THSD7A: variants seen among roughly 807,000 people sequenced by gnomAD.
THSD7A encodes the protein thrombospondin type-1 domain-containing protein 7A.
Under a neutral mutation model 231.3 loss-of-function variants are expected in THSD7A, and 96 were observed. That is an observed-to-expected ratio of 0.41 (90% confidence interval 0.35 to 0.49). The LOEUF is 0.49. THSD7A is among the 20% of genes least tolerant of loss of function. THSD7A has a pLI of 0.05. For missense variants in THSD7A, 2,290 were observed against 2,070.2 expected (o/e 1.11, Z -2.06); for synonymous variants, 940 against 743.3 (o/e 1.26, Z -4.30).
At chr7:11,770,993 TAGA>T (rs1562542859) in intron 1 of THSD7A, among the ~76,000 whole-genome samples, 1 of 151,344 alleles carries the variant, frequency 6.6e-6, no homozygotes, top group Non-Finnish European at 1.5e-5. Context: ...TTTTGATACA[TAGA>T]AGACTAGAAA....
intron 6 of THSD7A, among the ~76,000 whole-genome samples, chr7:11,485,039 C>T (rs1173384222): frequency 6.6e-6 from 1 of 151,346 alleles, no homozygotes; most frequent in African/African-American, 2.4e-5. Context: ...TACAGGCATG[C>T]ACCACCATGC....
At chr7:11,539,769 C>T (rs111827290) in intron 6 of THSD7A, among the ~76,000 whole-genome samples, 3,374 of 152,262 alleles carry the variant, frequency 0.022, 111 homozygotes, top group African/African-American at 0.077. Context: ...TGGACTAAAT[C>T]TGATTTTTTC....
rs1213861708 is a variant in THSD7A, at chr7:11,446,130, G to A, written c.2995C>T (p.Arg999Cys). Residue 999 changes from arginine to cysteine, a missense_variant, in exon 13 of 28, where the codon CGT becomes TGT. By Grantham distance (180) the Arg-to-Cys change is radical (BLOSUM62 -3). Transcript: ENST00000423059. This position sits in a 1 kb window ranked among gnomAD's most constrained non-coding sequence, Gnocchi z 4.0. ...GDIKECGQGYRYQAMACYDQN... is the reference protein window; with the variant it reads ...GDIKECGQGYCYQAMACYDQN... ...TCGTAGCATGCCATTGCTTGGTAAC[G>A]ATATCCTTGTCCGCATTCCTTGATG... The A allele has an allele frequency of 3.7e-6, 6 of 1,613,422 alleles. No homozygotes were observed. The highest frequency in any genetic ancestry group is 4.5e-5 in the East Asian group (2 of 44,854).
At chr7:11,601,410 T>A (rs1425609151) in intron 2 of THSD7A, among the ~76,000 whole-genome samples, 1 of 152,210 alleles carries the variant, frequency 6.6e-6, no homozygotes, top group Non-Finnish European at 1.5e-5. Context: ...CTGGGGACAC[T>A]GTGAACACCT....
Position 11,408,818 on chromosome 7 carries a change from T to TGAG in THSD7A, c.3799-1398_3799-1396dup, listed in dbSNP as rs201807571. Among the ~76,000 whole-genome samples the TGAG allele has an allele frequency of 4.1e-3, 623 of 152,278 alleles. 5 individuals are homozygous for TGAG. The highest frequency in any genetic ancestry group is 0.014 in the African/African-American group (602 of 41,554). On this transcript the variant is annotated intron_variant, in intron 19 of 27. Coordinates refer to ENST00000423059, the MANE Select transcript of THSD7A (RefSeq NM_015204.3). Reference sequence around the variant, plus strand: ...CTACACCAGTAATACTTGACAGAGCTGAGTATTTGGTATGAAAACTTTTAC... The same window carrying TGAG: ...CTACACCAGTAATACTTGACAGAGCTGAGGAGTATTTGGTATGAAAACTTTTAC...
At chr7:11,725,258 G>C (rs1781509120) in intron 1 of THSD7A, among the ~76,000 whole-genome samples, 1 of 151,938 alleles carries the variant, frequency 6.6e-6, no homozygotes, top group South Asian at 2.1e-4. Context: ...AACATGGAAT[G>C]AAATAGGATA....
At chr7:11,750,256 A>G (rs963422878) in intron 1 of THSD7A, among the ~76,000 whole-genome samples, 2 of 151,952 alleles carry the variant, frequency 1.3e-5, no homozygotes, top group African/African-American at 4.8e-5. Flanking sequence ...ATACTATAAA[A>G]GATTGATTCT....
At position 11,376,463 on chromosome 7, in the gene THSD7A, T is replaced by A. The variant is rs1172473224; in HGVS notation, c.4889+107A>T. 5 of 844,670 alleles carry A rather than the reference T, an allele frequency of 5.9e-6. No homozygotes were observed. In the East Asian group the frequency reaches 1.4e-4, roughly 23 times the overall value. The allele number at this position is 844,670 out of a possible 1,614,324, so 52.3% of individuals were successfully genotyped here. A position where few individuals can be genotyped will look rare whatever the true frequency, so the allele number is the denominator to read the frequency against. Reference sequence around the variant, plus strand: ...ACTAAAGCCATGTTTATTTAGAAATTCATGTGAACACCAGATAAATGTAGA... The same window carrying A: ...ACTAAAGCCATGTTTATTTAGAAATACATGTGAACACCAGATAAATGTAGA... On this transcript the variant is annotated intron_variant, in intron 27 of 27. Coordinates refer to ENST00000423059, the MANE Select transcript of THSD7A (RefSeq NM_015204.3).
intron 1 of THSD7A, among the ~76,000 whole-genome samples, chr7:11,667,053 A>G (rs1360967832): frequency 1.3e-5 from 2 of 152,094 alleles, no homozygotes; most frequent in East Asian, 1.9e-4. Context: ...AGCTTTGTTC[A>G]CAAATTTTTT....
intron 4 of THSD7A, among the ~76,000 whole-genome samples, chr7:11,587,935 A>G (rs1048157709): frequency 5.3e-5 from 8 of 152,156 alleles, no homozygotes; most frequent in African/African-American, 1.9e-4. Flanking sequence ...CACCTTGGTT[A>G]TATGTGAAAA....
chr7:11,378,245 G>A (rs897669806), intron 26 of THSD7A: 1 of 152,110 alleles, frequency 6.6e-6, no homozygotes, highest in Non-Finnish European at 1.5e-5. Flanking sequence ...TCTGCCTGGA[G>A]ATTACTTCAT....
intron 6 of THSD7A, among the ~76,000 whole-genome samples, chr7:11,538,068 C>T (rs1005320512): frequency 6.6e-6 from 1 of 152,158 alleles, no homozygotes; most frequent in Non-Finnish European, 1.5e-5. Flanking sequence ...GATTTACTTC[C>T]ATAAAAGTAT....
chr7:11,546,147 T>C (rs950415870), intron 4 of THSD7A, among the ~76,000 whole-genome samples: 1 of 149,020 alleles, frequency 6.7e-6, no homozygotes, highest in Non-Finnish European at 1.5e-5. Flanking sequence ...TCCCCAACCA[T>C]TGTGCCAGGG....
intron 1 of THSD7A, among the ~76,000 whole-genome samples, chr7:11,693,561 G>T (rs991687367): frequency 5.3e-5 from 8 of 151,460 alleles, no homozygotes; most frequent in Non-Finnish European, 1.2e-4. Context: ...AGTAAAGTTA[G>T]GGTTAACCGT....
At chr7:11,609,847 T>G (rs1480933373) in intron 2 of THSD7A, among the ~76,000 whole-genome samples, 1 of 152,058 alleles carries the variant, frequency 6.6e-6, no homozygotes, top group Non-Finnish European at 1.5e-5. Flanking sequence ...TTTTAATCAC[T>G]GGAAGAAAAA....
chr7:11,556,114 T>C (rs181519331), intron 4 of THSD7A, among the ~76,000 whole-genome samples: 2 of 151,892 alleles, frequency 1.3e-5, no homozygotes, highest in Admixed American at 1.3e-4. Flanking sequence ...GTCTTCTATT[T>C]ATTTTTATTT....
intron 1 of THSD7A, among the ~76,000 whole-genome samples, chr7:11,697,494 T>C (rs1315921534): frequency 6.6e-6 from 1 of 151,334 alleles, no homozygotes; most frequent in Non-Finnish European, 1.5e-5. Context: ...TGATATTTAA[T>C]ATGGAGTAAA....
chr7:11,443,811 G>C (rs1784878322), intron 13 of THSD7A, among the ~76,000 whole-genome samples: 1 of 151,910 alleles, frequency 6.6e-6, no homozygotes. Context: ...ATCAAATCAG[G>C]ATAACTGAGA....
chr7:11,375,937 G>A (rs1270702597), intron 27 of THSD7A, 59 bp from the exon 28 acceptor site: 6 of 1,516,042 alleles, frequency 4.0e-6, no homozygotes, highest in African/African-American at 2.8e-5. Context: ...AAATTTGATT[G>A]CTTTAAGCGA....
Sources: allele counts gnomAD v4.1 joint callset (sites outside exome capture counted in the v4.1 genomes callset), GRCh38; gene constraint gnomAD v4.1.1; non-coding constraint Gnocchi (gnomAD v3.1); transcripts MANE v1.5; gene names NCBI Gene and HGNC (gene_info 2026-07-23, HGNC 2026-07-21).